APBB2: variants seen among roughly 807,000 people sequenced by gnomAD.
APBB2 encodes amyloid beta precursor protein binding family B member 2.
In APBB2, 38 loss-of-function variants were observed where a neutral mutation model predicts 82.5. That is an observed-to-expected ratio of 0.46 (90% CI 0.36 to 0.60). APBB2 has a LOEUF of 0.60. Ranked by LOEUF, APBB2 falls within the 20% of genes least tolerant of loss-of-function variation. The pLI is 0.00. For synonymous variants in APBB2, 341 were observed against 368.2 expected, an observed-to-expected ratio of 0.93 and a Z score of 0.85; for missense variants, 772 against 972.3, an observed-to-expected ratio of 0.79 and a Z score of 2.74.
chr4:41,173,528 C>T (rs977142790), intron 1 of APBB2, among the ~76,000 whole-genome samples: 44 of 152,146 alleles, frequency 2.9e-4, no homozygotes, highest in Non-Finnish European at 6.2e-4. Context: ...AATGTCTCCA[C>T]GGAAATGGCT....
intron 3 of APBB2, among the ~76,000 whole-genome samples, chr4:41,072,376 T>C (rs1043038810): frequency 6.6e-6 from 1 of 152,226 alleles, no homozygotes; most frequent in Non-Finnish European, 1.5e-5. Context: ...TTTGGGGATA[T>C]GTGTCTGCCT....
chr4:40,873,087 C>CA (rs71648932), intron 12 of APBB2, among the ~76,000 whole-genome samples: 47,327 of 105,770 alleles, frequency 0.45, 9,094 homozygotes, highest in Non-Finnish European at 0.49. Flanking sequence ...GACTCCATCT[C>CA]AAAAAAAAAA....
chr4:40,842,991 C>T (rs1756356126), intron 12 of APBB2, among the ~76,000 whole-genome samples: 1 of 152,096 alleles, frequency 6.6e-6, no homozygotes, highest in South Asian at 2.1e-4. Flanking sequence ...GAGAGAGGAA[C>T]ACAGTGCAAG....
At chr4:41,134,439 C>T (rs1757003692) in intron 2 of APBB2, among the ~76,000 whole-genome samples, 1 of 152,082 alleles carries the variant, frequency 6.6e-6, no homozygotes, top group Admixed American at 6.5e-5. Flanking sequence ...AAACAATTAG[C>T]CAGGCATGGT....
intron 12 of APBB2, among the ~76,000 whole-genome samples, chr4:40,835,153 G>A (rs1753447497): frequency 6.6e-6 from 1 of 151,890 alleles, no homozygotes; most frequent in African/African-American, 2.4e-5. Context: ...GCGGGCGCCT[G>A]TAGTCCCAGC....
At chr4:40,955,937 G>T (rs369509481) in intron 6 of APBB2, among the ~76,000 whole-genome samples, 82 of 151,998 alleles carry the variant, frequency 5.4e-4, no homozygotes, top group African/African-American at 1.9e-3. Context: ...CACCACGCCC[G>T]GCTAATTTTT....
chr4:40,979,612 T>G (rs1010425325), intron 6 of APBB2, among the ~76,000 whole-genome samples: 1 of 152,220 alleles, frequency 6.6e-6, no homozygotes, highest in Admixed American at 6.5e-5. Flanking sequence ...GATATTCCCA[T>G]GCTGGCCCTG....
intron 4 of APBB2, among the ~76,000 whole-genome samples, chr4:41,035,884 C>T (rs946930196): frequency 3.3e-5 from 5 of 152,030 alleles, no homozygotes; most frequent in African/African-American, 9.7e-5. Flanking sequence ...TTAAGGTATA[C>T]GGAAGGGGCA....
At chr4:40,982,122 T>C (rs999635920) in intron 6 of APBB2, among the ~76,000 whole-genome samples, 2 of 148,110 alleles carry the variant, frequency 1.4e-5, no homozygotes, top group Non-Finnish European at 1.5e-5. Flanking sequence ...GAGGTGGAGG[T>C]TGCAGTGAGC....
At chr4:40,989,095 A>C (rs1801279616) in intron 6 of APBB2, among the ~76,000 whole-genome samples, 1 of 152,132 alleles carries the variant, frequency 6.6e-6, no homozygotes, top group South Asian at 2.1e-4. Flanking sequence ...CAATGTTCAT[A>C]AAGTGGGTGA....
intron 3 of APBB2, among the ~76,000 whole-genome samples, chr4:41,083,100 G>A (rs1738268886): frequency 6.6e-6 from 1 of 152,112 alleles, no homozygotes. Context: ...GGGAGGCGGA[G>A]GTTGCAGTGA....
chr4:40,838,708 A>G (rs1372036861), intron 12 of APBB2, among the ~76,000 whole-genome samples: 2 of 152,158 alleles, frequency 1.3e-5, no homozygotes, highest in Non-Finnish European at 2.9e-5. Flanking sequence ...GACTCAAGTG[A>G]TCCGCCCACC....
chr4:41,078,378 A>G (rs1026304096), intron 3 of APBB2, among the ~76,000 whole-genome samples: 1 of 152,234 alleles, frequency 6.6e-6, no homozygotes, highest in Non-Finnish European at 1.5e-5. Context: ...AATTGCAATT[A>G]AAAAATCAAC....
At chr4:40,919,054 C>T (rs565517331) in intron 10 of APBB2, among the ~76,000 whole-genome samples, 1 of 152,072 alleles carries the variant, frequency 6.6e-6, no homozygotes, top group Non-Finnish European at 1.5e-5. Flanking sequence ...TGGGCTTTCA[C>T]CAGGGGTACA....
intron 3 of APBB2, among the ~76,000 whole-genome samples, chr4:41,088,415 A>T (rs1740580709): frequency 6.6e-6 from 1 of 152,228 alleles, no homozygotes; most frequent in Non-Finnish European, 1.5e-5. Flanking sequence ...CTGTACTGAT[A>T]CTAGACTTTT....
intron 1 of APBB2, among the ~76,000 whole-genome samples, chr4:41,156,405 G>C (rs944614456): frequency 1.3e-5 from 2 of 152,214 alleles, no homozygotes; most frequent in Non-Finnish European, 2.9e-5. Context: ...GAGTTCCCGA[G>C]TACACCGGGG....
chr4:41,093,854 CA>C (rs1234300448), intron 3 of APBB2, among the ~76,000 whole-genome samples: 2,791 of 104,584 alleles, frequency 0.027, 63 homozygotes, highest in African/African-American at 0.078. Flanking sequence ...AACTTCATCT[CA>C]AAAAAAAAAA....
intron 6 of APBB2, among the ~76,000 whole-genome samples, chr4:40,983,861 G>A (rs1374198582): frequency 6.6e-6 from 1 of 152,204 alleles, no homozygotes; most frequent in Non-Finnish European, 1.5e-5. Flanking sequence ...ACAGGCGTGA[G>A]CCATTGTGCC....
At chr4:41,058,690 A>G (rs1728676909) in intron 4 of APBB2, among the ~76,000 whole-genome samples, 1 of 152,244 alleles carries the variant, frequency 6.6e-6, no homozygotes, top group African/African-American at 2.4e-5. Flanking sequence ...GCACCCATTC[A>G]CTGAATTAAT....
Sources: allele counts gnomAD v4.1 joint callset (sites outside exome capture counted in the v4.1 genomes callset), GRCh38; gene constraint gnomAD v4.1.1; transcripts MANE v1.5; gene names NCBI Gene and HGNC (gene_info 2026-07-23, HGNC 2026-07-21).